The following STIM2 variants were observed in gnomAD, a reference collection of about 807,000 sequenced individuals.
STIM2 encodes the protein stromal interaction molecule 2.
STIM2 carries 31 observed loss-of-function variants against 85.8 expected under a neutral mutation model. The ratio of observed to expected loss-of-function variants is 0.36; its 90% CI spans 0.27 to 0.49. The LOEUF (loss-of-function observed/expected upper bound fraction) is 0.49. STIM2 is among the 20% of genes least tolerant of loss of function. The pLI is 0.98. For missense variants in STIM2, 841 were observed against 927.6 expected (o/e 0.91, Z 1.21); for synonymous variants, 356 against 331.1 (o/e 1.08, Z -0.82).
chr4:26,987,628 G>A (rs1369523033), intron 3 of STIM2, among the ~76,000 whole-genome samples: 2 of 151,990 alleles, frequency 1.3e-5, no homozygotes, highest in Admixed American at 6.6e-5. Context: ...GTTGCCTTTC[G>A]AGCTGTTAGA....
chr4:26,969,167 A>G (rs773537356), intron 3 of STIM2, among the ~76,000 whole-genome samples: 1 of 152,228 alleles, frequency 6.6e-6, no homozygotes, highest in Non-Finnish European at 1.5e-5. Flanking sequence ...TCACAGGCAT[A>G]TCACTAACAA....
At chr4:26,968,079 G>A (rs1726798212) in intron 3 of STIM2, among the ~76,000 whole-genome samples, 1 of 152,128 alleles carries the variant, frequency 6.6e-6, no homozygotes, top group South Asian at 2.1e-4. Flanking sequence ...GCTGAGGCAG[G>A]AGGATCACGT....
At chr4:26,873,457 A>G in intron 1 of STIM2, 1 of 256,628 alleles carries the variant, frequency 3.9e-6, no homozygotes, top group East Asian at 1.0e-4. Flanking sequence ...TTCTGAACTA[A>G]ATCATTGTGG....
chr4:26,990,713 A>G (rs1455239607), intron 3 of STIM2, among the ~76,000 whole-genome samples: 2 of 152,288 alleles, frequency 1.3e-5, no homozygotes, highest in Non-Finnish European at 2.9e-5. Flanking sequence ...AATAACCAGA[A>G]TATATAAGGA....
chr4:26,951,879 G>A (rs573511756), intron 2 of STIM2, among the ~76,000 whole-genome samples: 1 of 152,280 alleles, frequency 6.6e-6, no homozygotes, highest in African/African-American at 2.4e-5. Context: ...AAACACTCAA[G>A]TGGGTATTTA....
chr4:26,863,788 AT>A (rs1722302955), intron 1 of STIM2, among the ~76,000 whole-genome samples: 1 of 152,124 alleles, frequency 6.6e-6, no homozygotes, highest in African/African-American at 2.4e-5. Context: ...TGAGAGAAGA[AT>A]TGGTCTCTTT....
chr4:26,935,762 C>CA (rs1725369530), intron 2 of STIM2, among the ~76,000 whole-genome samples: 1 of 152,200 alleles, frequency 6.6e-6, no homozygotes, highest in South Asian at 2.1e-4. Context: ...AGTATAGTTA[C>CA]AAATCTTACT....
chr4:26,902,160 G>A (rs1723947747), intron 1 of STIM2, among the ~76,000 whole-genome samples: 1 of 152,184 alleles, frequency 6.6e-6, no homozygotes, highest in African/African-American at 2.4e-5. Flanking sequence ...ACAATGTAGC[G>A]TGGTGGTGCT....
At chr4:26,976,993 T>C (rs1727226650) in intron 3 of STIM2, among the ~76,000 whole-genome samples, 1 of 152,070 alleles carries the variant, frequency 6.6e-6, no homozygotes, top group Non-Finnish European at 1.5e-5. Flanking sequence ...CTGGTACAGG[T>C]TATTTATGTG....
intron 7 of STIM2, among the ~76,000 whole-genome samples, chr4:27,003,682 A>T (rs1319442599): frequency 6.7e-6 from 1 of 148,656 alleles, no homozygotes; most frequent in African/African-American, 2.5e-5. Context: ...CTGTAAAAAG[A>T]AAAAAAAAAG....
chr4:26,939,570 TTTAA>T (rs1298646668), intron 2 of STIM2, among the ~76,000 whole-genome samples: 3 of 152,238 alleles, frequency 2.0e-5, no homozygotes, highest in Admixed American at 6.5e-5. Flanking sequence ...AGCCTTTTAC[TTTAA>T]TTGTCAGTCC....
chr4:27,021,822 A>G (rs1728924265), intron 11 of STIM2, among the ~76,000 whole-genome samples: 1 of 152,122 alleles, frequency 6.6e-6, no homozygotes, highest in Non-Finnish European at 1.5e-5. Context: ...ATTTGAAGGA[A>G]TGGGTGATGG....
chr4:26,979,668 G>A (rs1727311769), intron 3 of STIM2, among the ~76,000 whole-genome samples: 1 of 151,916 alleles, frequency 6.6e-6, no homozygotes, highest in Admixed American at 6.6e-5. Context: ...AACATATAAA[G>A]GCATCCAGAT....
intron 3 of STIM2, among the ~76,000 whole-genome samples, chr4:26,971,314 T>C (rs1484267540): frequency 6.6e-6 from 1 of 152,222 alleles, no homozygotes; most frequent in Non-Finnish European, 1.5e-5. Flanking sequence ...ATGAAGTCCT[T>C]GCCCGTGCCT....
chr4:26,987,627 C>T (rs1474822737), intron 3 of STIM2, among the ~76,000 whole-genome samples: 3 of 152,164 alleles, frequency 2.0e-5, no homozygotes, highest in Non-Finnish European at 4.4e-5. Flanking sequence ...TGTTGCCTTT[C>T]GAGCTGTTAG....
intron 9 of STIM2, 82 bp from the exon 10 acceptor site, chr4:27,008,682 G>A: frequency 7.4e-7 from 1 of 1,344,302 alleles, no homozygotes. Context: ...AATTGCCATG[G>A]TCTGTTCATG....
Position 27,022,685 on chromosome 4 carries a change from G to C in STIM2, c.1930G>C (p.Val644Leu), listed in dbSNP as rs1241485177. The C allele has an allele frequency of 6.2e-7, 1 of 1,614,228 alleles. No homozygotes were observed. Among genetic ancestry groups the C allele is most frequent in the East Asian group, 2.2e-5 (1 of 44,880 alleles). The change falls in exon 12 of 12, where the codon GTG (valine) becomes CTG (leucine). Residue 644 changes from valine to leucine, a missense_variant. Around this residue, in one of 3 missense-constraint regions of STIM2, gnomAD observed 293 missense variants for 284.5 expected, o/e 1.03. Transcript: ENST00000467087. ...CTCCCGAGGGGATTCGCCTGTAACT[G>C]TGGATGTGTCTTGGGGTTCTCCCGA... is the stretch of plus-strand genomic sequence containing the variant.
At position 27,003,096 on chromosome 4, in the gene STIM2, T is replaced by A; in HGVS notation, c.973T>A (p.Leu325Met). ...TAGACGTCAGTATGCAGAACAGGAATTGGAACAGGTATTTACATTAAAAAA... is the reference window on the plus strand; with the variant it reads ...TAGACGTCAGTATGCAGAACAGGAAATGGAACAGGTATTTACATTAAAAAA... The change falls in exon 7 of 12, where the codon TTG becomes ATG. Residue 325 changes from leucine (L) to methionine (M), a missense_variant. Physicochemically the swap from Leu to Met is conservative, Grantham distance 15. Coordinates refer to ENST00000467087, the MANE Select transcript of STIM2 (RefSeq NM_020860.4). 6.4e-7 allele frequency: 1 copy of A among 1,574,684 alleles called. No individual in the cohort carries two copies. Among genetic ancestry groups the A allele is most frequent in the Non-Finnish European group, 8.6e-7 (1 of 1,166,230 alleles).
intron 1 of STIM2, chr4:26,874,344 A>T (rs1486949804): frequency 2.2e-4 from 63 of 291,884 alleles, no homozygotes; most frequent in African/African-American, 1.3e-3. Flanking sequence ...GCCGCTGAGA[A>T]GCCATCTGCC....
Sources: allele counts gnomAD v4.1 joint callset (sites outside exome capture counted in the v4.1 genomes callset), GRCh38; gene constraint gnomAD v4.1.1; regional missense constraint gnomAD v4.1.1; transcripts MANE v1.5; gene names NCBI Gene and HGNC (gene_info 2026-07-23, HGNC 2026-07-21).